Variants in KCNMA1 observed in about 807,000 individuals in gnomAD.
The protein encoded by KCNMA1 is Calcium-activated potassium channel subunit alpha-1.
KCNMA1 carries 29 observed loss-of-function variants against 140.0 expected under a neutral mutation model. That is an observed-to-expected ratio of 0.21 (90% CI 0.15 to 0.28). The LOEUF is 0.28. Among genes scored for constraint, KCNMA1 ranks in the 10% least tolerant of loss-of-function variants. The pLI is 1.00. For missense variants in KCNMA1, 880 were observed against 1,602.2 expected (o/e 0.55, Z 7.70); for synonymous variants, 612 against 611.9 (o/e 1.00, Z 0.00).
intron 2 of KCNMA1, among the ~76,000 whole-genome samples, chr10:77,263,355 C>T (rs554923100): frequency 4.4e-4 from 67 of 152,196 alleles, no homozygotes; most frequent in African/African-American, 1.2e-3. Context: ...TTTTGTCTTT[C>T]GGTAACTGTA....
chr10:77,042,802 CAAT>C (rs1283062742), intron 14 of KCNMA1, among the ~76,000 whole-genome samples: 2 of 152,100 alleles, frequency 1.3e-5, no homozygotes, highest in Non-Finnish European at 2.9e-5. Context: ...TGTAGGATAA[CAAT>C]ATTATTCATG....
At chr10:77,160,038 T>G (rs548588778) in intron 5 of KCNMA1, among the ~76,000 whole-genome samples, 103 of 152,276 alleles carry the variant, frequency 6.8e-4, no homozygotes, top group African/African-American at 2.3e-3. Context: ...TGGAGGTGGA[T>G]GAATCCCAAC....
intron 23 of KCNMA1, among the ~76,000 whole-genome samples, chr10:76,923,052 T>A (rs1590798665): frequency 6.6e-6 from 1 of 152,218 alleles, no homozygotes; most frequent in East Asian, 1.9e-4. Context: ...TGTCTTTGAT[T>A]AGCACCTTTG....
chr10:76,986,219 C>A (rs1565376492), intron 19 of KCNMA1, among the ~76,000 whole-genome samples: 1 of 152,208 alleles, frequency 6.6e-6, no homozygotes, highest in Non-Finnish European at 1.5e-5. Flanking sequence ...TCTCTAACAA[C>A]AACAACAACA....
At chr10:77,526,286 C>T (rs2055625784) in intron 1 of KCNMA1, among the ~76,000 whole-genome samples, 1 of 152,172 alleles carries the variant, frequency 6.6e-6, no homozygotes, top group South Asian at 2.1e-4. Context: ...CTGTCTAAGC[C>T]AATTTGAGTC....
At chr10:77,188,175 A>G (rs964692012) in intron 3 of KCNMA1, among the ~76,000 whole-genome samples, 4 of 152,150 alleles carry the variant, frequency 2.6e-5, no homozygotes, top group Non-Finnish European at 5.9e-5. Context: ...TAAAGAAAAA[A>G]AAACTACAAA....
At chr10:76,874,275 G>C (rs1188199986), downstream of KCNMA1, 2 of 152,134 alleles carry the variant, frequency 1.3e-5, no homozygotes, top group Non-Finnish European at 2.9e-5. Context: ...AGTAAGGCTG[G>C]GAGTGTTGCC....
At chr10:77,242,856 TC>T (rs1445293904) in intron 3 of KCNMA1, among the ~76,000 whole-genome samples, 1 of 151,086 alleles carries the variant, frequency 6.6e-6, no homozygotes, top group Non-Finnish European at 1.5e-5. Context: ...TCCCCCATGC[TC>T]TTCTTCTCCA....
At chr10:77,243,737 C>T (rs1049050851) in intron 3 of KCNMA1, among the ~76,000 whole-genome samples, 1 of 152,160 alleles carries the variant, frequency 6.6e-6, no homozygotes, top group African/African-American at 2.4e-5. Context: ...ACAATGTGTT[C>T]AGCTCTTCAA....
At chr10:77,254,714 C>T (rs1482038395) in intron 2 of KCNMA1, among the ~76,000 whole-genome samples, 1 of 152,116 alleles carries the variant, frequency 6.6e-6, no homozygotes, top group Non-Finnish European at 1.5e-5. Flanking sequence ...CCAAAATGTC[C>T]TTCCTTTCTA....
rs1179188023 is a variant in KCNMA1, at chr10:77,506,836, AGAGAGTGT to A, written c.379-102821_379-102814del. On this transcript the variant is annotated intron_variant, in intron 1 of 27. Transcript: ENST00000286628. Reference sequence around the variant, plus strand: ...GAGAGAGAGAGAAAGAGAGAGAGAGAGAGAGTGTGTGTGTGTGTGTGTGTGTGTGTGTG... The same window carrying A: ...GAGAGAGAGAGAAAGAGAGAGAGAGAGTGTGTGTGTGTGTGTGTGTGTGTG... Among the ~76,000 whole-genome samples, 20 of 124,832 alleles carry A rather than the reference AGAGAGTGT, an allele frequency of 1.6e-4. No homozygotes were observed. In the South Asian group the frequency reaches 2.9e-3, roughly 18 times the overall value. 81.9% of individuals were successfully genotyped at this position (124,832 alleles called of 152,430 possible).
Position 76,886,339 on chromosome 10 carries a change from T to A in KCNMA1, c.*927A>T, listed in dbSNP as rs972239489. 4.1e-6 allele frequency: 4 copies of A among 985,206 alleles called. No homozygotes were observed. The highest frequency in any genetic ancestry group is 4.8e-6 in the Non-Finnish European group (4 of 829,726). 61.0% of individuals were successfully genotyped at this position (985,206 alleles called of 1,614,324 possible). ...TACATAAGGTAAGTAATTCACCTTTTAAAAGATGTAAAAGTCCCAGGAAGG... is the reference window on the plus strand; with the variant it reads ...TACATAAGGTAAGTAATTCACCTTTAAAAAGATGTAAAAGTCCCAGGAAGG... On this transcript the variant is annotated 3_prime_UTR_variant, in exon 28 of 28. Coordinates refer to ENST00000286628, the MANE Select transcript of KCNMA1 (RefSeq NM_001161352.2).
chr10:77,125,254 CCA>C (rs974663639), intron 5 of KCNMA1, among the ~76,000 whole-genome samples: 49 of 152,318 alleles, frequency 3.2e-4, no homozygotes, highest in African/African-American at 1.2e-3. Flanking sequence ...GCCACCCATT[CCA>C]CACAGAGTAA....
rs1346064349 is a variant in KCNMA1, at chr10:77,296,921, G to A, written c.541-45665C>T. ...TGCCTGGGTGTGTGGGCGGGGGGGC[G>A]GTGGGGGAATGTAGAGAAGAACAAA... On this transcript the variant is annotated intron_variant, in intron 2 of 27. Transcript: ENST00000286628. Among the ~76,000 whole-genome samples the A allele has an allele frequency of 7.3e-5, 11 of 149,674 alleles. 1 individual carries two copies. Among genetic ancestry groups the A allele is most frequent in the Non-Finnish European group, 1.0e-4 (7 of 67,284 alleles).
intron 1 of KCNMA1, among the ~76,000 whole-genome samples, chr10:77,491,595 C>G (rs1567134042): frequency 1.3e-5 from 2 of 152,022 alleles, no homozygotes; most frequent in Non-Finnish European, 2.9e-5. Flanking sequence ...TGAAAGAGGG[C>G]ATCTTGGGGT....
chr10:76,915,613 T>C (rs2052482754), intron 23 of KCNMA1, among the ~76,000 whole-genome samples: 1 of 152,180 alleles, frequency 6.6e-6, no homozygotes, highest in South Asian at 2.1e-4. Flanking sequence ...TGAGATTTGT[T>C]TGTTTGTTTG....
chr10:77,427,450 T>A (rs148921264), intron 1 of KCNMA1, among the ~76,000 whole-genome samples: 1 of 152,186 alleles, frequency 6.6e-6, no homozygotes, highest in Admixed American at 6.5e-5. Flanking sequence ...ACAGAGGGTG[T>A]TAGCTGAGAT....
At chr10:77,022,633 G>A (rs73290309) in intron 16 of KCNMA1, among the ~76,000 whole-genome samples, 4,213 of 152,254 alleles carry the variant, frequency 0.028, 195 homozygotes, top group African/African-American at 0.095. Context: ...ATTTACCTTT[G>A]AGTTTCCTGG....
chr10:76,891,569 C>T lies in KCNMA1; in HGVS notation c.3298G>A (p.Val1100Met), dbSNP rs779710864. 1.2e-6 allele frequency: 2 copies of T among 1,613,844 alleles called. No individual in the cohort carries two copies. Among genetic ancestry groups the T allele is most frequent in the South Asian group, 1.1e-5 (1 of 91,074 alleles). ...QTLANRDRCR[V>M]AQLALLDGPF... ...CCATCGAGCAGAGCTAACTGGGCCA[C>T]GCGGCAGCGGTCCCTATTGGCCAGT... Residue 1100 changes from valine to methionine, a missense_variant, in exon 26 of 28, where the codon GTG (valine) becomes ATG (methionine). Transcript: ENST00000286628.
Sources: allele counts gnomAD v4.1 joint callset (sites outside exome capture counted in the v4.1 genomes callset), GRCh38; gene constraint gnomAD v4.1.1; transcripts MANE v1.5; gene names NCBI Gene and HGNC (gene_info 2026-07-23, HGNC 2026-07-21).